TUBA8: variants seen among roughly 807,000 people sequenced by gnomAD.
TUBA8 encodes the protein tubulin alpha-8 chain.
TUBA8 carries 29 observed loss-of-function variants against 34.7 expected under a neutral mutation model. The ratio of observed to expected loss-of-function variants is 0.84; its 90% CI spans 0.62 to 1.14. TUBA8 has a LOEUF of 1.14. Ranked by LOEUF, TUBA8 falls within the 50% of genes most tolerant of loss-of-function variation. TUBA8 has a pLI of 0.00. For missense variants in TUBA8, 541 were observed against 599.2 expected, an observed-to-expected ratio of 0.90 and a Z score of 1.01; for synonymous variants, 226 against 231.2, an observed-to-expected ratio of 0.98 and a Z score of 0.21.
intron 4 of TUBA8, 109 bp downstream of exon 4, chr22:18,127,143 A>C (rs1478079303): frequency 1.3e-5 from 15 of 1,130,894 alleles, no homozygotes; most frequent in Non-Finnish European, 1.9e-5. Context: ...TGATAAGGGG[A>C]GGGGGACTTC....
intron 1 of TUBA8, chr22:18,116,267 T>C (rs1469758084): frequency 6.6e-6 from 1 of 152,204 alleles, no homozygotes; most frequent in Non-Finnish European, 1.5e-5. Flanking sequence ...AGACATTTCC[T>C]GTTTGGAGTT....
chr22:18,127,098 T>C (rs1928354898), intron 4 of TUBA8, 64 bp downstream of exon 4: 2 of 1,561,692 alleles, frequency 1.3e-6, no homozygotes, highest in African/African-American at 2.7e-5. Context: ...TGACCAAGGA[T>C]ATGCAATTCC....
rs746620644 is a variant in TUBA8, at chr22:18,121,674, A to C, written c.199A>C (p.Met67Leu). The change falls in exon 2 of 5, where the codon ATG becomes CTG. Residue 67 changes from methionine (M) to leucine (L), a missense_variant. Met to Leu is a conservative substitution (Grantham distance 15). Transcript: ENST00000330423. The surrounding 1 kb of genome is among the most constrained non-coding windows in gnomAD (Gnocchi z 4.8). ...GNGKHVPRAV[M>L]IDLEPTVVDE... ...TGGGAAGCATGTGCCCCGGGCCGTCATGATAGATCTGGAGCCTACTGTAGT... is the reference window on the plus strand; with the variant it reads ...TGGGAAGCATGTGCCCCGGGCCGTCCTGATAGATCTGGAGCCTACTGTAGT... The C allele has an allele frequency of 6.2e-7, 1 of 1,614,214 alleles. No homozygotes were observed. Among genetic ancestry groups the C allele is most frequent in the South Asian group, 1.1e-5 (1 of 91,088 alleles).
Position 18,118,462 on chromosome 22 carries a change from G to A in TUBA8, c.4-3017G>A, listed in dbSNP as rs1222584061. On this transcript the variant is annotated intron_variant, in intron 1 of 4. Coordinates refer to ENST00000330423, the MANE Select transcript of TUBA8 (RefSeq NM_018943.3). This position sits in a 1 kb window ranked among gnomAD's most constrained non-coding sequence, Gnocchi z 4.0. ...GGTTGTCTCATCTTAGGCAGCAGGAGCCTCTTCAGGTGCTTGGGCAGCCCC... is the reference window on the plus strand; with the variant it reads ...GGTTGTCTCATCTTAGGCAGCAGGAACCTCTTCAGGTGCTTGGGCAGCCCC... 1 of 152,166 alleles carries A rather than the reference G, an allele frequency of 6.6e-6. No individual in the cohort carries two copies. The highest frequency in any genetic ancestry group is 1.5e-5 in the Non-Finnish European group (1 of 68,048). The allele number at this position is 152,166 out of a possible 1,614,324, so 9.4% of individuals were successfully genotyped here. A position where few individuals can be genotyped will look rare whatever the true frequency, so the allele number is the denominator to read the frequency against.
chr22:18,130,945 G>A lies in TUBA8; in HGVS notation c.1159G>A (p.Ala387Thr), dbSNP rs1057365304. The change falls in exon 5 of 5, where the codon GCC (alanine) becomes ACC (threonine). Residue 387 changes from alanine to threonine, a missense_variant. Coordinates refer to ENST00000330423, the MANE Select transcript of TUBA8 (RefSeq NM_018943.3). ...CAGCAACACCACGGCCATTGCGGAG[G>A]CCTGGGCCCGCCTCGACCACAAGTT... ...MLSNTTAIAE[A>T]WARLDHKFDL... The A allele has an allele frequency of 2.3e-5, 37 of 1,614,038 alleles. No homozygotes were observed. The highest frequency in any genetic ancestry group is 3.1e-5 in the Non-Finnish European group (36 of 1,180,034).
chr22:18,126,032 T>A lies in TUBA8; in HGVS notation c.376-322T>A. 1 of 365,530 alleles carries A rather than the reference T, an allele frequency of 2.7e-6. No individual in the cohort carries two copies. Among genetic ancestry groups the A allele is most frequent in the Non-Finnish European group, 5.1e-6 (1 of 194,604 alleles). The allele number at this position is 365,530 out of a possible 1,614,324, so 22.6% of individuals were successfully genotyped here. On this transcript the variant is annotated intron_variant, in intron 3 of 4. Coordinates refer to ENST00000330423, the MANE Select transcript of TUBA8 (RefSeq NM_018943.3). The surrounding 1 kb of genome is among the most constrained non-coding windows in gnomAD (Gnocchi z 4.0). ...GTGCATCACCACGCCCAGTTAACTT[T>A]TAAAATTTTTTGTAGATGCGAGGTC...
In TUBA8 at chr22:18,121,471, C is replaced by T. The variant is rs201584343; in HGVS notation, c.4-8C>T. 6 of 1,612,506 alleles carry T rather than the reference C, an allele frequency of 3.7e-6. No individual in the cohort carries two copies. The Admixed American group carries it at 8.3e-5, about 22-fold the overall frequency. On this transcript the variant is annotated splice_polypyrimidine_tract_variant and splice_region_variant and intron_variant, in intron 1 of 4. Coordinates refer to ENST00000330423, the MANE Select transcript of TUBA8 (RefSeq NM_018943.3). This position sits in a 1 kb window ranked among gnomAD's most constrained non-coding sequence, Gnocchi z 4.8. ...CTCTCTGACCTCGTTGCTTCCCTCT[C>T]CCCACAGCGGGAATGCATATCAGTC...
At position 18,126,446 on chromosome 22, in the gene TUBA8, C is replaced by T. The variant is rs151079612; in HGVS notation, c.468C>T (p.Arg156=). 4.7e-4 allele frequency: 758 copies of T among 1,613,908 alleles called. 1 individual carries two copies. The highest frequency in any genetic ancestry group is 5.7e-4 in the Non-Finnish European group (671 of 1,180,016). Residue 156 remains arginine, a synonymous_variant, in exon 4 of 5, where the codon CGC becomes CGT. Transcript: ENST00000330423. The surrounding 1 kb of genome is among the most constrained non-coding windows in gnomAD (Gnocchi z 4.0). ...GCTTCACTTCTCTGCTGATGGAACG[C>T]CTCTCCCTGGATTATGGCAAGAAAT... The part of the protein sequence containing the change: ...GSGFTSLLME[R]LSLDYGKKSK...
chr22:18,125,606 A>G (rs1928289299), intron 3 of TUBA8: 1 of 151,914 alleles, frequency 6.6e-6, no homozygotes, highest in East Asian at 1.9e-4. Context: ...AGTTGATATT[A>G]GAACTCAGGC....
At chr22:18,117,238 G>A (rs1221295485) in intron 1 of TUBA8, 1 of 152,098 alleles carries the variant, frequency 6.6e-6, no homozygotes, top group Admixed American at 6.6e-5. Flanking sequence ...AAGTACAGAC[G>A]TCATGACATT....
chr22:18,127,394 G>GT (rs1302279460), intron 4 of TUBA8: 16,129 of 147,240 alleles, frequency 0.11, 753 homozygotes, highest in Middle Eastern at 0.13. Flanking sequence ...CGTTAGTTTT[G>GT]TTTTTTTTTT....
rs544875400 is a variant in TUBA8 at position 18,126,893 on chromosome 22, C to T, written c.915C>T (p.Cys305=). Residue 305 remains cysteine, a synonymous_variant, in exon 4 of 5, where the codon TGC becomes TGT. Coordinates refer to ENST00000330423, the MANE Select transcript of TUBA8 (RefSeq NM_018943.3). This position sits in a 1 kb window ranked among gnomAD's most constrained non-coding sequence, Gnocchi z 4.0. ...AGCCCAACAGCCAGATGGTGAAGTG[C>T]GACCCGAGACATGGCAAGTACATGG... ...CFEPNSQMVK[C]DPRHGKYMAC... 2.6e-5 allele frequency: 42 copies of T among 1,611,020 alleles called. No homozygotes were observed. Among genetic ancestry groups the T allele is most frequent in the Admixed American group, 1.7e-4 (10 of 59,822 alleles).
Position 18,121,807 on chromosome 22 carries a change from G to GCTGCGGT in TUBA8, c.226+106_226+107insCTGCGGT. 1 of 1,133,762 alleles carries GCTGCGGT rather than the reference G, an allele frequency of 8.8e-7. No individual in the cohort carries two copies. Among genetic ancestry groups the GCTGCGGT allele is most frequent in the Non-Finnish European group, 1.3e-6 (1 of 780,244 alleles). 70.2% of individuals were successfully genotyped at this position (1,133,762 alleles called of 1,614,324 possible). A position where few individuals can be genotyped will look rare whatever the true frequency, so the allele number is the denominator to read the frequency against. The stretch of plus-strand genomic sequence containing the variant: ...CGTCTCTAGCTGGAAGGTGGGGATG[G>GCTGCGGT]TGCAACCGCAGCCTCCCACCCCACG... On this transcript the variant is annotated intron_variant, in intron 2 of 4. Coordinates refer to ENST00000330423, the MANE Select transcript of TUBA8 (RefSeq NM_018943.3). This position sits in a 1 kb window ranked among gnomAD's most constrained non-coding sequence, Gnocchi z 4.8.
intron 1 of TUBA8, chr22:18,117,237 C>T (rs1054121346): frequency 2.6e-5 from 4 of 152,134 alleles, no homozygotes; most frequent in South Asian, 4.1e-4. Flanking sequence ...AAAGTACAGA[C>T]GTCATGACAT....
At position 18,127,045 on chromosome 22, in the gene TUBA8, A is replaced by G. The variant is rs1227367160; in HGVS notation, c.1056+11A>G. On this transcript the variant is annotated intron_variant, in intron 4 of 4. Coordinates refer to ENST00000330423, the MANE Select transcript of TUBA8 (RefSeq NM_018943.3). ...CCCACAGGCTTCAAGGTGAGAGCTG[A>G]TGACTTAGGAAGGGGAGAGAGGACT... 23 of 1,613,936 alleles carry G rather than the reference A, an allele frequency of 1.4e-5. No homozygotes were observed. In the Admixed American group the frequency reaches 3.8e-4, roughly 27 times the overall value.
rs1602485791 is a variant in TUBA8, at chr22:18,110,816, G to C, written c.-50G>C. 2 of 1,537,264 alleles carry C rather than the reference G, an allele frequency of 1.3e-6. No individual in the cohort carries two copies. The highest frequency in any genetic ancestry group is 2.7e-5 in the African/African-American group (2 of 73,290). ...GGAGGCGGCTGTATCTGGAGCAGTC[G>C]GGGCGGGCAGGCCCAGCTGAGAGGT... On this transcript the variant is annotated 5_prime_UTR_variant, in exon 1 of 5. Transcript: ENST00000330423. The surrounding 1 kb of genome is among the most constrained non-coding windows in gnomAD (Gnocchi z 6.2).
Position 18,130,858 on chromosome 22 carries a change from C to T in TUBA8, c.1072C>T (p.Gln358Ter). 1.2e-6 allele frequency: 2 copies of T among 1,613,818 alleles called. No individual in the cohort carries two copies. Among genetic ancestry groups the T allele is most frequent in the Non-Finnish European group, 1.7e-6 (2 of 1,179,982 alleles). Residue 358 changes from glutamine (Q) to a stop codon, truncating the protein, a stop_gained, in exon 5 of 5, where the codon CAG becomes TAG. Transcript: ENST00000330423. LOFTEE classifies it high-confidence loss of function. ...PTGFKVGINYQPPTVVPGGDL... is the reference protein window; with the variant it reads ...PTGFKVGINY ...TGTCCCTCAGGTGGGCATCAACTACCAGCCCCCGACCGTGGTCCCCGGGGG... is the reference window on the plus strand; with the variant it reads ...TGTCCCTCAGGTGGGCATCAACTACTAGCCCCCGACCGTGGTCCCCGGGGG...
chr22:18,121,802 G>C lies in TUBA8; in HGVS notation c.226+101G>C. 8.1e-7 allele frequency: 1 copy of C among 1,229,176 alleles called. No individual in the cohort carries two copies. Among genetic ancestry groups the C allele is most frequent in the Non-Finnish European group, 1.2e-6 (1 of 862,854 alleles). The allele number at this position is 1,229,176 out of a possible 1,614,324, so 76.1% of individuals were successfully genotyped here. On this transcript the variant is annotated intron_variant, in intron 2 of 4. Coordinates refer to ENST00000330423, the MANE Select transcript of TUBA8 (RefSeq NM_018943.3). This position sits in a 1 kb window ranked among gnomAD's most constrained non-coding sequence, Gnocchi z 4.8. ...AGCAGCGTCTCTAGCTGGAAGGTGG[G>C]GATGGTGCAACCGCAGCCTCCCACC... is the stretch of plus-strand genomic sequence containing the variant.
At position 18,121,819 on chromosome 22, in the gene TUBA8, C is replaced by G; in HGVS notation, c.226+118C>G. 1 of 942,734 alleles carries G rather than the reference C, an allele frequency of 1.1e-6. No homozygotes were observed. The highest frequency in any genetic ancestry group is 1.6e-6 in the Non-Finnish European group (1 of 615,572). The allele number at this position is 942,734 out of a possible 1,614,324, so 58.4% of individuals were successfully genotyped here. A position where few individuals can be genotyped will look rare whatever the true frequency, so the allele number is the denominator to read the frequency against. On this transcript the variant is annotated intron_variant, in intron 2 of 4. Coordinates refer to ENST00000330423, the MANE Select transcript of TUBA8 (RefSeq NM_018943.3). The surrounding 1 kb of genome is among the most constrained non-coding windows in gnomAD (Gnocchi z 4.8). ...GAAGGTGGGGATGGTGCAACCGCAG[C>G]CTCCCACCCCACGTGACATCTGTCA...
Sources: gnomAD v4.1 joint callset for allele counts on GRCh38, gnomAD v4.1.1 for gene constraint, Gnocchi (gnomAD v3.1) non-coding constraint, MANE v1.5 for transcripts, NCBI Gene and HGNC (gene_info 2026-07-23, HGNC 2026-07-21) for gene names.